Variants in RAB38 observed in about 807,000 individuals in gnomAD.
RAB38 encodes the protein RAB38, member RAS oncogene family.
In RAB38, 15 loss-of-function variants were observed where a neutral mutation model predicts 18.4. The ratio of observed to expected loss-of-function variants is 0.82; its 90% CI spans 0.55 to 1.26. The LOEUF (loss-of-function observed/expected upper bound fraction) is 1.26. Among genes scored for constraint, RAB38 ranks in the 50% most tolerant of loss-of-function variants. The pLI is 0.00. For missense variants in RAB38, 294 were observed against 267.4 expected (o/e 1.10, Z -0.69); for synonymous variants, 101 against 104.4 (o/e 0.97, Z 0.20).
chr11:87,959,471 C>T, the RAB38 span, among the ~76,000 whole-genome samples: 8 of 152,192 alleles, frequency 5.3e-5, no homozygotes, highest in African/African-American at 1.9e-4. Flanking sequence ...TATTCCATCT[C>T]ACGTTAGCAT....
chr11:88,048,062 T>C, the RAB38 span, among the ~76,000 whole-genome samples: 677 of 152,288 alleles, frequency 4.4e-3, 2 homozygotes, highest in African/African-American at 0.016. Flanking sequence ...CAGTGCTCCA[T>C]CTGCAATTCT....
chr11:87,872,324 A>G, the RAB38 span, among the ~76,000 whole-genome samples: 1 of 151,540 alleles, frequency 6.6e-6, no homozygotes, highest in Non-Finnish European at 1.5e-5. Context: ...TAGGTACACA[A>G]CAATTGAGTG....
the RAB38 span, among the ~76,000 whole-genome samples, chr11:88,013,491 A>G: frequency 2.0e-5 from 3 of 152,154 alleles, no homozygotes; most frequent in Non-Finnish European, 4.4e-5. Context: ...AAAATAACCA[A>G]TTGAGAATGA....
At chr11:88,041,535 T>C in the RAB38 span, among the ~76,000 whole-genome samples, 3 of 152,230 alleles carry the variant, frequency 2.0e-5, no homozygotes, top group Non-Finnish European at 4.4e-5. Context: ...GTAAACTTTT[T>C]ATAGGTCAAT....
chr11:88,111,882 C>T (rs1385145128), downstream of RAB38, among the ~76,000 whole-genome samples: 2 of 152,184 alleles, frequency 1.3e-5, no homozygotes, highest in East Asian at 3.9e-4. Flanking sequence ...AATAAGTACA[C>T]TCTAACATTC....
the RAB38 span, among the ~76,000 whole-genome samples, chr11:87,844,304 G>A: frequency 6.6e-6 from 1 of 152,156 alleles, no homozygotes; most frequent in Non-Finnish European, 1.5e-5. Context: ...CCACGAGAAT[G>A]CCATTATTTC....
chr11:88,026,559 T>C, the RAB38 span, among the ~76,000 whole-genome samples: 1 of 75,506 alleles, frequency 1.3e-5, no homozygotes, highest in Non-Finnish European at 2.2e-5. Flanking sequence ...CGAGACTCTG[T>C]CACAAAAAAA....
At chr11:87,909,333 TTC>T in the RAB38 span, among the ~76,000 whole-genome samples, 5 of 66,330 alleles carry the variant, frequency 7.5e-5, no homozygotes, top group Non-Finnish European at 2.1e-4. Context: ...CACAGCACCT[TTC>T]TTACTTCTCA....
chr11:87,860,168 G>C, the RAB38 span, among the ~76,000 whole-genome samples: 18 of 151,884 alleles, frequency 1.2e-4, no homozygotes, highest in Middle Eastern at 3.2e-3. Flanking sequence ...CTATACTAGA[G>C]AAAGGAATCA....
chr11:87,882,662 A>C, the RAB38 span, among the ~76,000 whole-genome samples: 1 of 151,870 alleles, frequency 6.6e-6, no homozygotes, highest in Non-Finnish European at 1.5e-5. Context: ...CAATTAGAAT[A>C]GGGTGTGATA....
the RAB38 span, among the ~76,000 whole-genome samples, chr11:88,086,528 C>A: frequency 6.6e-6 from 1 of 151,858 alleles, no homozygotes; most frequent in African/African-American, 2.4e-5. Context: ...ACCTGACATA[C>A]GCTATTCCAA....
the RAB38 span, among the ~76,000 whole-genome samples, chr11:87,876,228 T>C: frequency 5.9e-5 from 9 of 151,746 alleles, no homozygotes; most frequent in Non-Finnish European, 1.2e-4. Context: ...GCCCTTCTGA[T>C]CAACTACGAC....
At chr11:88,167,881 G>A (rs1293913614) in intron 1 of RAB38, among the ~76,000 whole-genome samples, 1 of 152,158 alleles carries the variant, frequency 6.6e-6, no homozygotes, top group African/African-American at 2.4e-5. Context: ...TACCCCAGGA[G>A]CAATAGGTCC....
At chr11:87,949,599 T>C in the RAB38 span, among the ~76,000 whole-genome samples, 1 of 152,224 alleles carries the variant, frequency 6.6e-6, no homozygotes, top group Non-Finnish European at 1.5e-5. Context: ...ATCTTTGTTC[T>C]CATTGGTTTC....
At chr11:88,073,069 T>A in the RAB38 span, among the ~76,000 whole-genome samples, 1 of 152,162 alleles carries the variant, frequency 6.6e-6, no homozygotes, top group African/African-American at 2.4e-5. Flanking sequence ...GACTCCTGGT[T>A]TATACACTAC....
the RAB38 span, among the ~76,000 whole-genome samples, chr11:87,910,086 T>C: frequency 6.6e-6 from 1 of 152,126 alleles, no homozygotes; most frequent in South Asian, 2.1e-4. Flanking sequence ...GTTATTTCTG[T>C]TGAATTTTAG....
At chr11:87,868,817 G>A in the RAB38 span, among the ~76,000 whole-genome samples, 2 of 151,568 alleles carry the variant, frequency 1.3e-5, no homozygotes, top group Non-Finnish European at 3.0e-5. Flanking sequence ...GCTGCTTTGA[G>A]TGTTGCCTCC....
At chr11:87,937,574 A>G in the RAB38 span, among the ~76,000 whole-genome samples, 7,083 of 151,554 alleles carry the variant, frequency 0.047, 554 homozygotes, top group African/African-American at 0.16. Context: ...GAGATATTTT[A>G]GAGGGAGTTT....
chr11:87,871,856 C>T, the RAB38 span, among the ~76,000 whole-genome samples: 1 of 151,536 alleles, frequency 6.6e-6, no homozygotes, highest in East Asian at 1.9e-4. Context: ...TACCTATTTT[C>T]ATTACATTCC....
Sources: gnomAD v4.1 joint callset for allele counts (sites outside exome capture counted in the v4.1 genomes callset) on GRCh38, gnomAD v4.1.1 for gene constraint, MANE v1.5 for transcripts, NCBI Gene and HGNC (gene_info 2026-07-23, HGNC 2026-07-21) for gene names.